The following SYNGR1 variants were observed in gnomAD, a reference collection of about 807,000 sequenced individuals.
SYNGR1 encodes synaptogyrin-1.
A neutral mutation model predicts 26.1 loss-of-function variants in SYNGR1; 14 were observed. The ratio of observed to expected loss-of-function variants is 0.54; its 90% confidence interval spans 0.35 to 0.84. The LOEUF (loss-of-function observed/expected upper bound fraction) is 0.84, where lower values mean the gene tolerates loss of function less well. SYNGR1 is among the 40% of genes least tolerant of loss of function. SYNGR1 has a pLI of 0.01. For synonymous variants in SYNGR1, 141 were observed against 150.1 expected (o/e 0.94, Z 0.44); for missense variants, 319 against 332.9 (o/e 0.96, Z 0.33).
At chr22:39,372,533 C>T (rs752826606) in intron 1 of SYNGR1, among the ~76,000 whole-genome samples, 2 of 149,046 alleles carry the variant, frequency 1.3e-5, no homozygotes, top group African/African-American at 5.0e-5. Flanking sequence ...TCACTGCAAC[C>T]TCCGCCCAGG....
chr22:39,377,583 A>C (rs1416095467), intron 3 of SYNGR1: 24 of 1,612,424 alleles, frequency 1.5e-5, no homozygotes, highest in Non-Finnish European at 1.9e-5. Flanking sequence ...CCTCACCCCT[A>C]CTCTCTCCTG....
intron 1 of SYNGR1, among the ~76,000 whole-genome samples, chr22:39,362,503 C>G (rs374720372): frequency 6.6e-6 from 1 of 152,124 alleles, no homozygotes; most frequent in Non-Finnish European, 1.5e-5. Context: ...AGGGGCTGCC[C>G]AACACCCATC....
intron 1 of SYNGR1, among the ~76,000 whole-genome samples, chr22:39,364,937 G>T (rs564178926): frequency 2.0e-5 from 3 of 152,242 alleles, no homozygotes; most frequent in Admixed American, 6.5e-5. Context: ...AAAAAGACTC[G>T]GGATTGGATT....
chr22:39,359,011 G>A (rs1298754835), intron 1 of SYNGR1, among the ~76,000 whole-genome samples: 1 of 152,214 alleles, frequency 6.6e-6, no homozygotes, highest in Non-Finnish European at 1.5e-5. Flanking sequence ...TAACAAGTTG[G>A]GGCTCCTCCA....
Position 39,385,098 on chromosome 22 carries a change from C to G in SYNGR1, c.*3184C>G, listed in dbSNP as rs1267950120. On this transcript the variant is annotated 3_prime_UTR_variant, in exon 4 of 4. Coordinates refer to ENST00000328933, the MANE Select transcript of SYNGR1 (RefSeq NM_004711.5). The stretch of plus-strand genomic sequence containing the variant: ...TCCCCATGTAACTGAGACACCCTGC[C>G]TGTTAGCCCTGGGAGACCCCTAACC... 2.5e-6 allele frequency: 1 copy of G among 398,300 alleles called. No individual in the cohort carries two copies. Among genetic ancestry groups the G allele is most frequent in the African/African-American group, 2.1e-5 (1 of 48,632 alleles). The allele number at this position is 398,300 out of a possible 1,614,324, so 24.7% of individuals were successfully genotyped here.
chr22:39,363,839 C>G (rs1924604923), intron 1 of SYNGR1, among the ~76,000 whole-genome samples: 1 of 152,102 alleles, frequency 6.6e-6, no homozygotes, highest in Non-Finnish European at 1.5e-5. Flanking sequence ...CAGGGATGTT[C>G]CTGCGCAGGG....
chr22:39,363,348 G>A (rs1251719132), intron 1 of SYNGR1, among the ~76,000 whole-genome samples: 1 of 151,966 alleles, frequency 6.6e-6, no homozygotes, highest in Non-Finnish European at 1.5e-5. Flanking sequence ...AGGGGACAGA[G>A]TGTGGGGGTG....
At position 39,376,970 on chromosome 22, in the gene SYNGR1, G is replaced by A. The variant is rs762479297; in HGVS notation, c.483+773G>A. On this transcript the variant is annotated intron_variant, in intron 3 of 3. Coordinates refer to ENST00000328933, the MANE Select transcript of SYNGR1 (RefSeq NM_004711.5). ...CTCGGCTGGCCCCTCTTTCCCACTG[G>A]TCTGGGTCATGTCTGTTTCTTCTCT... 9 of 1,550,246 alleles carry A rather than the reference G, an allele frequency of 5.8e-6. No homozygotes were observed. The South Asian group carries it at 1.1e-4, about 18-fold the overall frequency.
At chr22:39,376,914 T>C (rs1294116469) in intron 3 of SYNGR1, 4 of 1,534,546 alleles carry the variant, frequency 2.6e-6, no homozygotes, top group Non-Finnish European at 3.5e-6. Flanking sequence ...ACAAAGTATG[T>C]CTCTGGGCCC....
intron 1 of SYNGR1, among the ~76,000 whole-genome samples, chr22:39,359,233 A>G (rs2145610650): frequency 6.6e-6 from 1 of 152,226 alleles, no homozygotes; most frequent in South Asian, 2.1e-4. Context: ...CACTTACAGG[A>G]CATTGTCCCC....
At chr22:39,377,044 C>T in intron 3 of SYNGR1, 1 of 1,551,014 alleles carries the variant, frequency 6.4e-7, no homozygotes, top group Non-Finnish European at 8.7e-7. Context: ...CTCCATAGCC[C>T]CATCCCAAGA....
At position 39,360,056 on chromosome 22, in the gene SYNGR1, G is replaced by A. The variant is rs561420783; in HGVS notation, c.99+9947G>A. Among the ~76,000 whole-genome samples the A allele has an allele frequency of 5.3e-5, 8 of 152,168 alleles. No individual in the cohort carries two copies. The South Asian group carries it at 1.0e-3, about 20-fold the overall frequency. ...CGTGTTGCAGCTCCAGCCCTTCTGC[G>A]CATCACACTCGCCTGGCACAGCTCT... On this transcript the variant is annotated intron_variant, in intron 1 of 3. Coordinates refer to ENST00000328933, the MANE Select transcript of SYNGR1 (RefSeq NM_004711.5).
chr22:39,362,694 G>A (rs1924538695), intron 1 of SYNGR1, among the ~76,000 whole-genome samples: 1 of 152,188 alleles, frequency 6.6e-6, no homozygotes, highest in Non-Finnish European at 1.5e-5. Context: ...AGGGCAGGAA[G>A]GCTGGGTTCA....
chr22:39,372,145 T>TTTTG, intron 1 of SYNGR1, among the ~76,000 whole-genome samples: 1 of 143,492 alleles, frequency 7.0e-6, no homozygotes, highest in African/African-American at 2.7e-5. Flanking sequence ...TTTTTTTTTT[T>TTTTG]TTTGAGACGG....
chr22:39,365,271 T>C (rs1033685676), intron 1 of SYNGR1, among the ~76,000 whole-genome samples: 23 of 152,204 alleles, frequency 1.5e-4, no homozygotes, highest in African/African-American at 5.3e-4. Flanking sequence ...TGCCCCTTGC[T>C]GTCCCTGCAG....
chr22:39,357,731 C>T (rs894775313), intron 1 of SYNGR1, among the ~76,000 whole-genome samples: 2 of 151,678 alleles, frequency 1.3e-5, no homozygotes, highest in African/African-American at 4.8e-5. Flanking sequence ...CAATGAGGGA[C>T]TTAGCGCCCG....
rs1012780268 is a variant in SYNGR1 at position 39,384,404 on chromosome 22, G to A, written c.*2490G>A. 1.3e-5 allele frequency: 5 copies of A among 397,740 alleles called. No homozygotes were observed. Among genetic ancestry groups the A allele is most frequent in the Admixed American group, 8.8e-5 (2 of 22,716 alleles). The allele number at this position is 397,740 out of a possible 1,614,324, so 24.6% of individuals were successfully genotyped here. A position where few individuals can be genotyped will look rare whatever the true frequency, so the allele number is the denominator to read the frequency against. On this transcript the variant is annotated 3_prime_UTR_variant, in exon 4 of 4. Coordinates refer to ENST00000328933, the MANE Select transcript of SYNGR1 (RefSeq NM_004711.5). ...AATGGGGGGTGCTGAGTCATCTCAC[G>A]AAGAATCCCTCACTCTTCCCGGGTT...
chr22:39,359,014 C>T (rs908549367), intron 1 of SYNGR1, among the ~76,000 whole-genome samples: 4 of 152,230 alleles, frequency 2.6e-5, no homozygotes, highest in African/African-American at 7.2e-5. Flanking sequence ...CAAGTTGGGG[C>T]TCCTCCAGTA....
At chr22:39,378,403 C>CT in intron 3 of SYNGR1, 1 of 963,774 alleles carries the variant, frequency 1.0e-6, no homozygotes, top group Non-Finnish European at 1.2e-6. Context: ...ATTCATTCTT[C>CT]TCTCCAGAGA....
Sources: gnomAD v4.1 joint callset for allele counts (sites outside exome capture counted in the v4.1 genomes callset) on GRCh38, gnomAD v4.1.1 for gene constraint, MANE v1.5 for transcripts, NCBI Gene and HGNC (gene_info 2026-07-23, HGNC 2026-07-21) for gene names.